GPBP1: variants seen among roughly 807,000 people sequenced by gnomAD.
GPBP1 encodes the protein GC-rich promoter binding protein 1, also known as vasculin.
GPBP1 carries 13 observed loss-of-function variants against 56.5 expected under a neutral mutation model. That is an observed-to-expected ratio of 0.23 (90% confidence interval 0.15 to 0.37). GPBP1 has a LOEUF of 0.37. GPBP1 is among the 10% of genes least tolerant of loss of function. GPBP1 has a pLI of 1.00. For missense variants in GPBP1, 477 were observed against 572.3 expected, an observed-to-expected ratio of 0.83 and a Z score of 1.70; for synonymous variants, 204 against 188.9, an observed-to-expected ratio of 1.08 and a Z score of -0.66.
intron 10 of GPBP1, 92 bp from the exon 11 acceptor site, chr5:57,261,088 C>T: frequency 1.2e-6 from 1 of 815,112 alleles, no homozygotes; most frequent in Non-Finnish European, 2.1e-6. Flanking sequence ...ATAATGGATC[C>T]TGGTGGATCA....
intron 8 of GPBP1, 94 bp downstream of exon 8, chr5:57,247,309 TTAAAA>T: frequency 1.2e-5 from 12 of 999,322 alleles, no homozygotes; most frequent in Non-Finnish European, 1.7e-5. Context: ...AATGAATACA[TTAAAA>T]TGAGTTTCAT....
chr5:57,248,419 ATTTTTTTTTTT>A (rs70999069), intron 8 of GPBP1, among the ~76,000 whole-genome samples: 61 of 99,342 alleles, frequency 6.1e-4, no homozygotes, highest in African/African-American at 9.9e-4. Context: ...CTCATATACT[ATTTTTTTTTTT>A]TTTTTTTTTT....
At chr5:57,217,675 G>A (rs78410931) in intron 3 of GPBP1, among the ~76,000 whole-genome samples, 2,369 of 152,164 alleles carry the variant, frequency 0.016, 25 homozygotes, top group Non-Finnish European at 0.027. Flanking sequence ...CAATGCGAAT[G>A]CAAAGAGCCA....
intron 3 of GPBP1, 99 bp from the exon 4 acceptor site, chr5:57,230,747 C>A: frequency 1.0e-6 from 1 of 997,018 alleles, no homozygotes; most frequent in Non-Finnish European, 1.5e-6. Flanking sequence ...TTTTCTTAAT[C>A]ATTTAAAATT....
chr5:57,250,710 T>G (rs1469575535), intron 9 of GPBP1, among the ~76,000 whole-genome samples: 1 of 151,894 alleles, frequency 6.6e-6, no homozygotes, highest in African/African-American at 2.4e-5. Context: ...GCCCAGCTAA[T>G]TTTTTTGTAT....
chr5:57,177,945 A>T (rs1293970041), intron 2 of GPBP1, among the ~76,000 whole-genome samples: 1 of 151,882 alleles, frequency 6.6e-6, no homozygotes, highest in South Asian at 2.1e-4. Context: ...TGTAAAATAG[A>T]GTTTTTTTTC....
At chr5:57,200,826 C>T (rs1291104921) in intron 2 of GPBP1, among the ~76,000 whole-genome samples, 2 of 152,144 alleles carry the variant, frequency 1.3e-5, no homozygotes, top group Non-Finnish European at 2.9e-5. Flanking sequence ...GGACTACAGG[C>T]GCTAGCCACC....
chr5:57,217,955 A>G (rs1380670137), intron 3 of GPBP1, among the ~76,000 whole-genome samples: 1 of 152,110 alleles, frequency 6.6e-6, no homozygotes, highest in African/African-American at 2.4e-5. Flanking sequence ...CACTTATGAA[A>G]TTTTTTATAG....
chr5:57,178,896 AAAT>A (rs1208107972), intron 2 of GPBP1, among the ~76,000 whole-genome samples: 3 of 152,172 alleles, frequency 2.0e-5, no homozygotes, highest in East Asian at 1.9e-4. Flanking sequence ...GTAGGTCTAA[AAAT>A]AATAATCATA....
intron 2 of GPBP1, among the ~76,000 whole-genome samples, chr5:57,187,298 A>C (rs1754333854): frequency 6.6e-6 from 1 of 152,318 alleles, no homozygotes; most frequent in South Asian, 2.1e-4. Context: ...ACTTGAGCAT[A>C]CTTAGAAAAT....
At chr5:57,257,154 C>T (rs898227817) in intron 10 of GPBP1, among the ~76,000 whole-genome samples, 2 of 151,838 alleles carry the variant, frequency 1.3e-5, no homozygotes, top group Non-Finnish European at 2.9e-5. Flanking sequence ...CTGCCTCGGC[C>T]TCCCGGAATA....
intron 3 of GPBP1, among the ~76,000 whole-genome samples, chr5:57,219,774 C>CG (rs1165815276): frequency 6.6e-6 from 1 of 152,042 alleles, no homozygotes; most frequent in African/African-American, 2.4e-5. Flanking sequence ...GCATCTGGGC[C>CG]GGGTGCGGTG....
chr5:57,214,113 T>A lies in GPBP1; in HGVS notation c.-18T>A. ...GTGTTGAAGCCTTGTTTCACTGAGT[T>A]GGAGAGACTGGACCTAAATGGCGCA... is the stretch of plus-strand genomic sequence containing the variant. On this transcript the variant is annotated 5_prime_UTR_variant, in exon 3 of 12. Coordinates refer to ENST00000506184, the MANE Select transcript of GPBP1 (RefSeq NM_022913.4). 6.2e-7 allele frequency: 1 copy of A among 1,611,574 alleles called. No homozygotes were observed. Among genetic ancestry groups the A allele is most frequent in the Non-Finnish European group, 8.5e-7 (1 of 1,177,678 alleles).
At chr5:57,259,980 T>G (rs1364050595) in intron 10 of GPBP1, among the ~76,000 whole-genome samples, 1 of 152,206 alleles carries the variant, frequency 6.6e-6, no homozygotes, top group Non-Finnish European at 1.5e-5. Context: ...TGATTGTGAT[T>G]TGTCTTCTGG....
intron 10 of GPBP1, among the ~76,000 whole-genome samples, chr5:57,251,533 CTT>C (rs1741388286): frequency 6.8e-6 from 1 of 147,542 alleles, no homozygotes; most frequent in Non-Finnish European, 1.5e-5. Flanking sequence ...GACTATACTG[CTT>C]TTTTGTTCAT....
chr5:57,234,398 C>T (rs1393428181), intron 5 of GPBP1, among the ~76,000 whole-genome samples: 3 of 152,092 alleles, frequency 2.0e-5, no homozygotes, highest in African/African-American at 7.2e-5. Context: ...CAGATTTGGA[C>T]TTGGCTTTGG....
chr5:57,199,496 C>G (rs1434711291), intron 2 of GPBP1, among the ~76,000 whole-genome samples: 1 of 151,940 alleles, frequency 6.6e-6, no homozygotes, highest in Non-Finnish European at 1.5e-5. Context: ...GACACTTCTC[C>G]TTCCTTTAAC....
intron 2 of GPBP1, among the ~76,000 whole-genome samples, chr5:57,183,301 A>T (rs1754140231): frequency 6.6e-6 from 1 of 152,122 alleles, no homozygotes. Context: ...CAGGAGGCAG[A>T]GGTTGCAGTG....
At chr5:57,224,283 C>G (rs1473771701) in intron 3 of GPBP1, among the ~76,000 whole-genome samples, 2 of 150,398 alleles carry the variant, frequency 1.3e-5, no homozygotes, top group African/African-American at 4.9e-5. Flanking sequence ...TCTCTTGTTG[C>G]CCAGGCTGGA....
Sources: allele counts gnomAD v4.1 joint callset (sites outside exome capture counted in the v4.1 genomes callset), GRCh38; gene constraint gnomAD v4.1.1; transcripts MANE v1.5; gene names NCBI Gene and HGNC (gene_info 2026-07-23, HGNC 2026-07-21).